Variants in GRIK1 observed in about 807,000 individuals in gnomAD.
The protein encoded by GRIK1 is glutamate receptor ionotropic, kainate 1.
GRIK1 carries 69 observed loss-of-function variants against 105.7 expected under a neutral mutation model. The ratio of observed to expected loss-of-function variants is 0.65; its 90% confidence interval spans 0.54 to 0.80. GRIK1 has a LOEUF of 0.80. Ranked by LOEUF, GRIK1 falls within the 30% of genes least tolerant of loss-of-function variation. The pLI is 0.00. For synonymous variants in GRIK1, 438 were observed against 431.3 expected (o/e 1.02, Z -0.19); for missense variants, 1,109 against 1,167.3 (o/e 0.95, Z 0.73).
chr21:29,560,400 C>T (rs2409339), intron 15 of GRIK1, among the ~76,000 whole-genome samples: 44,699 of 66,490 alleles, frequency 0.67, 15,597 homozygotes, highest in East Asian at 0.76. Context: ...TTCCTTCCTT[C>T]CTTTCTTTCT....
chr21:29,611,739 A>G (rs1480897962), intron 7 of GRIK1, among the ~76,000 whole-genome samples: 1 of 152,212 alleles, frequency 6.6e-6, no homozygotes, highest in Non-Finnish European at 1.5e-5. Context: ...ATGTGAAAGA[A>G]ATGAAAGCAT....
chr21:29,782,231 C>T (rs925823662), intron 1 of GRIK1, among the ~76,000 whole-genome samples: 5 of 151,694 alleles, frequency 3.3e-5, no homozygotes, highest in African/African-American at 9.7e-5. Context: ...GGACTGCAGG[C>T]GCCCGCCACC....
intron 1 of GRIK1, among the ~76,000 whole-genome samples, chr21:29,850,027 A>T (rs2832450): frequency 0.32 from 48,869 of 151,972 alleles, 8,540 homozygotes; most frequent in East Asian, 0.46. Flanking sequence ...CGTTTTTTAG[A>T]GTGCAGAAAT....
intron 1 of GRIK1, among the ~76,000 whole-genome samples, chr21:29,726,398 C>T (rs1053492085): frequency 6.6e-6 from 1 of 152,102 alleles, no homozygotes; most frequent in Non-Finnish European, 1.5e-5. Flanking sequence ...CACACACACC[C>T]CTTCTAATTT....
At chr21:29,814,094 A>AAAT (rs199724320) in intron 1 of GRIK1, among the ~76,000 whole-genome samples, 69 of 145,548 alleles carry the variant, frequency 4.7e-4, no homozygotes, top group African/African-American at 1.4e-3. Flanking sequence ...TATATATATA[A>AAAT]AATAATAATA....
chr21:29,937,530 T>G (rs78823397), intron 1 of GRIK1, among the ~76,000 whole-genome samples: 1 of 152,198 alleles, frequency 6.6e-6, no homozygotes, highest in African/African-American at 2.4e-5. Context: ...CTTAGAAAAA[T>G]ACTGAGATCT....
In GRIK1 at chr21:29,743,433, C is replaced by T. The variant is rs570922284; in HGVS notation, c.119-49370G>A. Among the ~76,000 whole-genome samples, 124 of 152,246 alleles carry T rather than the reference C, an allele frequency of 8.1e-4. 1 individual carries two copies. Among genetic ancestry groups the T allele is most frequent in the African/African-American group, 2.7e-3 (111 of 41,536 alleles). ...TATTTAGGCTGGGCACAGTGGCTCA[C>T]TCCTGTAATCCCAGCACTTTGGGAG... On this transcript the variant is annotated intron_variant, in intron 1 of 17. Transcript: ENST00000327783.
Position 29,672,974 on chromosome 21 carries a change from C to T in GRIK1, c.726+9G>A. ...TCCCACACCTCCACCTCCTCCCTAG[C>T]CCTCTTACCTGCTTAAGGATTTCAG... is the stretch of plus-strand genomic sequence containing the variant. On this transcript the variant is annotated intron_variant, in intron 4 of 17. Transcript: ENST00000327783. 1.3e-6 allele frequency: 2 copies of T among 1,595,746 alleles called. No individual in the cohort carries two copies. Among genetic ancestry groups the T allele is most frequent in the Non-Finnish European group, 1.7e-6 (2 of 1,167,784 alleles).
At chr21:29,666,764 G>A (rs549724435) in intron 4 of GRIK1, among the ~76,000 whole-genome samples, 14 of 152,316 alleles carry the variant, frequency 9.2e-5, no homozygotes, top group African/African-American at 2.9e-4. Flanking sequence ...AAACACCTTC[G>A]TTCAAGAAGT....
At chr21:29,562,727 C>G (rs2090512813) in intron 14 of GRIK1, among the ~76,000 whole-genome samples, 1 of 148,080 alleles carries the variant, frequency 6.8e-6, no homozygotes, top group Non-Finnish European at 1.5e-5. Flanking sequence ...TAATTGTAAT[C>G]ATATTTTAGA....
At chr21:29,867,601 C>T (rs914820153) in intron 1 of GRIK1, among the ~76,000 whole-genome samples, 1 of 151,898 alleles carries the variant, frequency 6.6e-6, no homozygotes, top group African/African-American at 2.4e-5. Flanking sequence ...TCAAGACCAG[C>T]CTAACCAACA....
chr21:29,633,181 G>C (rs2062319353), intron 7 of GRIK1, among the ~76,000 whole-genome samples: 1 of 152,178 alleles, frequency 6.6e-6, no homozygotes, highest in African/African-American at 2.4e-5. Flanking sequence ...ACCTTTATCT[G>C]GGACTTCTCA....
chr21:29,744,966 C>T (rs2065015685), intron 1 of GRIK1, among the ~76,000 whole-genome samples: 1 of 152,212 alleles, frequency 6.6e-6, no homozygotes, highest in African/African-American at 2.4e-5. Flanking sequence ...CAATGATCCC[C>T]ACCTTCTGGC....
intron 1 of GRIK1, among the ~76,000 whole-genome samples, chr21:29,788,539 T>C (rs1472120013): frequency 6.6e-6 from 1 of 152,162 alleles, no homozygotes; most frequent in Non-Finnish European, 1.5e-5. Context: ...AGGGACTAGT[T>C]TTGTGGAAGA....
chr21:29,625,582 T>G (rs912584744), intron 7 of GRIK1, among the ~76,000 whole-genome samples: 2 of 152,108 alleles, frequency 1.3e-5, no homozygotes, highest in African/African-American at 4.8e-5. Context: ...TTAAAGTAAC[T>G]TAAGTACTGA....
At chr21:29,649,426 T>C (rs987654654) in intron 6 of GRIK1, among the ~76,000 whole-genome samples, 7 of 152,132 alleles carry the variant, frequency 4.6e-5, no homozygotes, top group African/African-American at 1.7e-4. Context: ...GAACACAGTC[T>C]AGAAACCCCT....
At chr21:29,571,917 ATGACTTGTGCTCCAAAAACTGATCAG>A (rs1297811420) in intron 14 of GRIK1, among the ~76,000 whole-genome samples, 38 of 152,272 alleles carry the variant, frequency 2.5e-4, no homozygotes, top group Non-Finnish European at 2.5e-4. Context: ...ATCTTAGCAA[ATGACTTGTGCTCCAAAAACTGATCAG>A]GATGCTCCAG....
intron 7 of GRIK1, among the ~76,000 whole-genome samples, chr21:29,639,055 C>T (rs2146513426): frequency 6.6e-6 from 1 of 152,298 alleles, no homozygotes; most frequent in Middle Eastern, 3.4e-3. Flanking sequence ...CCCTAAATCC[C>T]TGCCTCACTC....
At chr21:29,867,010 T>A (rs1037097387) in intron 1 of GRIK1, among the ~76,000 whole-genome samples, 2 of 152,236 alleles carry the variant, frequency 1.3e-5, no homozygotes, top group African/African-American at 4.8e-5. Flanking sequence ...AATAGATTTG[T>A]ATTCTGTCCT....
Sources: gnomAD v4.1 joint callset for allele counts (sites outside exome capture counted in the v4.1 genomes callset) on GRCh38, gnomAD v4.1.1 for gene constraint, MANE v1.5 for transcripts, NCBI Gene and HGNC (gene_info 2026-07-23, HGNC 2026-07-21) for gene names.